FOXO3: variants seen among roughly 807,000 people sequenced by gnomAD.
The protein encoded by FOXO3 is forkhead box protein O3.
In FOXO3, 4 loss-of-function variants were observed where a neutral mutation model predicts 41.9. The observed-to-expected ratio is 0.10, with a 90% CI of 0.05 to 0.22. FOXO3 has a LOEUF of 0.22. FOXO3 is among the 10% of genes least tolerant of loss of function. The pLI is 1.00. For missense variants in FOXO3, 534 were observed against 906.8 expected, an observed-to-expected ratio of 0.59 and a Z score of 5.28; for synonymous variants, 318 against 389.3, an observed-to-expected ratio of 0.82 and a Z score of 2.16.
intron 2 of FOXO3, among the ~76,000 whole-genome samples, chr6:108,673,224 G>A (rs1770406441): frequency 6.6e-6 from 1 of 152,172 alleles, no homozygotes; most frequent in Non-Finnish European, 1.5e-5. Context: ...GTTCTACTCA[G>A]ACTGCCCTGC....
chr6:108,611,604 T>A (rs1777366341), intron 1 of FOXO3, among the ~76,000 whole-genome samples: 1 of 152,238 alleles, frequency 6.6e-6, no homozygotes, highest in Non-Finnish European at 1.5e-5. Flanking sequence ...AATTTGCATT[T>A]GCTTAATGAT....
At chr6:108,608,172 A>G (rs1468177002) in intron 1 of FOXO3, among the ~76,000 whole-genome samples, 1 of 152,172 alleles carries the variant, frequency 6.6e-6, no homozygotes, top group South Asian at 2.1e-4. Flanking sequence ...CCTTAAGATC[A>G]CCTCAAGTTT....
chr6:108,596,478 T>G (rs1776889015), intron 1 of FOXO3, among the ~76,000 whole-genome samples: 1 of 151,882 alleles, frequency 6.6e-6, no homozygotes, highest in Non-Finnish European at 1.5e-5. Context: ...TGAAAAGTTA[T>G]GGGTTGTTGA....
chr6:108,618,735 G>A (rs188421555), intron 1 of FOXO3, among the ~76,000 whole-genome samples: 10 of 152,300 alleles, frequency 6.6e-5, no homozygotes, highest in African/African-American at 2.4e-4. Flanking sequence ...TCTGGTGCTC[G>A]TATCCCTAAC....
chr6:108,600,965 C>T (rs1029043914), intron 1 of FOXO3, among the ~76,000 whole-genome samples: 1 of 152,154 alleles, frequency 6.6e-6, no homozygotes, highest in Non-Finnish European at 1.5e-5. Context: ...GACATTGATA[C>T]TGTCAAGATA....
rs531239892 is a variant in FOXO3, at chr6:108,587,879, A to T, written c.621+26050A>T. Among the ~76,000 whole-genome samples, 37 of 152,330 alleles carry T rather than the reference A, an allele frequency of 2.4e-4. No individual in the cohort carries two copies. The South Asian group carries it at 7.5e-3, about 31-fold the overall frequency. On this transcript the variant is annotated intron_variant, in intron 1 of 2. Coordinates refer to ENST00000406360, the MANE Select transcript of FOXO3 (RefSeq NM_001455.4). The stretch of plus-strand genomic sequence containing the variant: ...AAATATTTTTATAGAAAACTTAAGG[A>T]TTCTTTCGCTTTGAGATGACTCAGA...
Position 108,663,544 on chromosome 6 carries a change from C to T in FOXO3, c.711C>T (p.Asn237=). 3 of 1,613,742 alleles carry T rather than the reference C, an allele frequency of 1.9e-6. No individual in the cohort carries two copies. ...GTGKSSWWII[N]PDGGKSGKAP... ...GCAAGAGCTCTTGGTGGATCATCAA[C>T]CCTGATGGGGGGAAGAGCGGAAAAG... is the stretch of plus-strand genomic sequence containing the variant. The change falls in exon 2 of 3, where the codon AAC becomes AAT. Residue 237 remains asparagine, a synonymous_variant. Coordinates refer to ENST00000406360, the MANE Select transcript of FOXO3 (RefSeq NM_001455.4).
intron 1 of FOXO3, chr6:108,656,458 CTT>C: frequency 3.0e-6 from 3 of 985,362 alleles, no homozygotes; most frequent in Non-Finnish European, 3.6e-6. Context: ...CTCTGAAATA[CTT>C]TTTTAAAGTT....
chr6:108,582,021 C>T (rs1776434339), intron 1 of FOXO3, among the ~76,000 whole-genome samples: 1 of 152,056 alleles, frequency 6.6e-6, no homozygotes, highest in Non-Finnish European at 1.5e-5. Flanking sequence ...ATATAGGCTG[C>T]ATACTCTCCA....
intron 1 of FOXO3, among the ~76,000 whole-genome samples, chr6:108,616,351 C>T (rs1004004865): frequency 7.9e-5 from 12 of 151,704 alleles, no homozygotes; most frequent in African/African-American, 1.9e-4. Flanking sequence ...TTTTTAGAGA[C>T]GGGGTTTCAC....
At chr6:108,665,752 T>A (rs1351448594) in intron 2 of FOXO3, among the ~76,000 whole-genome samples, 1 of 144,444 alleles carries the variant, frequency 6.9e-6, no homozygotes, top group Non-Finnish European at 1.5e-5. Flanking sequence ...GAGGCTGCAG[T>A]GAGTCATGAT....
chr6:108,603,942 A>G (rs1027446163), intron 1 of FOXO3, among the ~76,000 whole-genome samples: 33 of 152,210 alleles, frequency 2.2e-4, no homozygotes, highest in African/African-American at 6.8e-4. Context: ...GGAAATATCT[A>G]TAGGTCCAGG....
chr6:108,639,585 T>G, intron 1 of FOXO3: 1 of 985,344 alleles, frequency 1.0e-6, no homozygotes, highest in African/African-American at 1.7e-5. Context: ...AAGGAGCAAG[T>G]GGAGGTGGAC....
At chr6:108,679,264 G>A (rs552951968) in intron 2 of FOXO3, among the ~76,000 whole-genome samples, 8 of 151,846 alleles carry the variant, frequency 5.3e-5, no homozygotes, top group Non-Finnish European at 1.0e-4. Flanking sequence ...ACCCAGCACT[G>A]CAGACTTATT....
At chr6:108,654,088 A>G (rs757730478) in intron 1 of FOXO3, among the ~76,000 whole-genome samples, 4 of 152,076 alleles carry the variant, frequency 2.6e-5, no homozygotes, top group Non-Finnish European at 5.9e-5. Context: ...CTTCTTCCTC[A>G]GTCTATGGGG....
intron 1 of FOXO3, among the ~76,000 whole-genome samples, chr6:108,590,907 C>T (rs1036206312): frequency 6.6e-6 from 1 of 152,200 alleles, no homozygotes; most frequent in Non-Finnish European, 1.5e-5. Flanking sequence ...CTCATCCTAG[C>T]TCAGCTGCCT....
intron 2 of FOXO3, among the ~76,000 whole-genome samples, chr6:108,671,724 G>A (rs1222579963): frequency 1.3e-5 from 2 of 152,144 alleles, no homozygotes; most frequent in Non-Finnish European, 2.9e-5. Context: ...AAGAGTGACT[G>A]TTTTCCTCAG....
intron 2 of FOXO3, among the ~76,000 whole-genome samples, chr6:108,670,596 T>TA (rs1779190359): frequency 6.6e-6 from 1 of 152,098 alleles, no homozygotes; most frequent in Admixed American, 6.5e-5. Flanking sequence ...TAATACACAT[T>TA]ATGAACTTTT....
At chr6:108,629,502 A>G (rs1463307745) in intron 1 of FOXO3, among the ~76,000 whole-genome samples, 1 of 152,106 alleles carries the variant, frequency 6.6e-6, no homozygotes, top group Non-Finnish European at 1.5e-5. Flanking sequence ...TTTGTCTTAG[A>G]CACTATGTTG....
Sources: allele counts gnomAD v4.1 joint callset (sites outside exome capture counted in the v4.1 genomes callset), GRCh38; gene constraint gnomAD v4.1.1; transcripts MANE v1.5; gene names NCBI Gene and HGNC (gene_info 2026-07-23, HGNC 2026-07-21).